SDHB: variants seen among roughly 807,000 people sequenced by gnomAD.
SDHB encodes succinate dehydrogenase [ubiquinone] iron-sulfur subunit, mitochondrial.
Under a neutral mutation model 39.7 loss-of-function variants are expected in SDHB, and 21 were observed. That is an observed-to-expected ratio of 0.53 (90% CI 0.37 to 0.76). The LOEUF is 0.76. SDHB is among the 30% of genes least tolerant of loss of function. The pLI is 0.00. For missense variants in SDHB, 343 were observed against 350.9 expected, an observed-to-expected ratio of 0.98 and a Z score of 0.18; for synonymous variants, 118 against 117.0, an observed-to-expected ratio of 1.01 and a Z score of -0.06.
rs528774229 is a variant in SDHB, at chr1:17,027,208, C to A, written c.540+541G>T. ...ACTGAAAACTTGATAATGATGCCTC[C>A]GCTTTAAGATTTTACAGCTTGTACA... On this transcript the variant is annotated intron_variant, in intron 5 of 7. Coordinates refer to ENST00000375499, the MANE Select transcript of SDHB (RefSeq NM_003000.3). 6.6e-5 allele frequency among the ~76,000 whole-genome samples: 10 copies of A among 152,270 alleles called. 1 individual carries two copies. In the South Asian group the frequency reaches 1.9e-3, roughly 28 times the overall value.
At chr1:17,029,376 G>C (rs2078010850) in intron 3 of SDHB, among the ~76,000 whole-genome samples, 2 of 151,606 alleles carry the variant, frequency 1.3e-5, no homozygotes, top group African/African-American at 4.8e-5. Flanking sequence ...GCCTGCCTTG[G>C]CCTCCCGAAG....
intron 1 of SDHB, among the ~76,000 whole-genome samples, chr1:17,046,189 AATC>A (rs1476529512): frequency 2.4e-4 from 37 of 152,332 alleles, no homozygotes; most frequent in Admixed American, 2.0e-3. Context: ...AGCTGGCTAA[AATC>A]ATCAACAAAA....
chr1:17,023,526 C>A (rs2077974737), intron 6 of SDHB, among the ~76,000 whole-genome samples: 1 of 152,212 alleles, frequency 6.6e-6, no homozygotes, highest in Non-Finnish European at 1.5e-5. Context: ...AACATCAATA[C>A]TATTTTCTTT....
intron 2 of SDHB, among the ~76,000 whole-genome samples, chr1:17,040,972 T>C (rs1331291768): frequency 6.6e-6 from 1 of 151,694 alleles, no homozygotes; most frequent in African/African-American, 2.4e-5. Flanking sequence ...TTACTAAAAA[T>C]ACAACAAATT....
chr1:17,046,056 T>C (rs1004035387), intron 1 of SDHB, among the ~76,000 whole-genome samples: 1 of 152,232 alleles, frequency 6.6e-6, no homozygotes, highest in Admixed American at 6.5e-5. Flanking sequence ...TAACATTATT[T>C]CTTGGTAAAG....
intron 3 of SDHB, 35 bp downstream of exon 3, chr1:17,033,025 A>C (rs758365875): frequency 6.5e-7 from 1 of 1,542,770 alleles, no homozygotes; most frequent in African/African-American, 1.4e-5. Context: ...GGAAGACCAC[A>C]AGTATCTGGA....
intron 2 of SDHB, among the ~76,000 whole-genome samples, chr1:17,042,771 G>A (rs1190448327): frequency 1.7e-5 from 2 of 118,660 alleles, no homozygotes; most frequent in Non-Finnish European, 4.2e-5. Context: ...GCGAGACCCT[G>A]ACTCAAAAAA....
In SDHB at chr1:17,044,803, C is replaced by T. The variant is rs34916635; in HGVS notation, c.158G>A (p.Gly53Glu). 2.8e-4 allele frequency: 458 copies of T among 1,614,034 alleles called. 3 individuals carry two copies. The highest frequency in any genetic ancestry group is 1.5e-4 in the Admixed American group (9 of 60,004). Residue 53 changes from glycine (G) to glutamate (E), a missense_variant, in exon 2 of 8, where the codon GGA (glycine) becomes GAA (glutamate). Transcript: ENST00000375499. ...AIYRWDPDKAGDKPHMQTYEV... is the reference protein window; with the variant it reads ...AIYRWDPDKAEDKPHMQTYEV... ...ATAAGTCTGCATATGAGGTTTGTCT[C>T]CAGCCTTGTCTGGGTCCCATCGATA...
intron 3 of SDHB, 72 bp from the exon 4 acceptor site, chr1:17,028,808 G>C (rs2078005996): frequency 1.9e-6 from 3 of 1,575,226 alleles, no homozygotes; most frequent in Admixed American, 1.7e-5. Flanking sequence ...ACTTTCTTCT[G>C]GATCCTCCTT....
intron 5 of SDHB, among the ~76,000 whole-genome samples, chr1:17,024,356 AACAAGAAC>A (rs1444409536): frequency 6.6e-6 from 1 of 152,214 alleles, no homozygotes; most frequent in Non-Finnish European, 1.5e-5. Context: ...AGAAATAGAA[AACAAGAAC>A]ACAAAAACAA....
intron 2 of SDHB, among the ~76,000 whole-genome samples, chr1:17,035,272 GATAA>G (rs1173643040): frequency 2.6e-5 from 4 of 152,144 alleles, no homozygotes; most frequent in East Asian, 1.9e-4. Context: ...CCTGAGGTCT[GATAA>G]ATACTTTACA....
chr1:17,030,272 G>C (rs1477303450), intron 3 of SDHB, among the ~76,000 whole-genome samples: 2 of 152,138 alleles, frequency 1.3e-5, no homozygotes, highest in Non-Finnish European at 2.9e-5. Flanking sequence ...ACGGCCTCAA[G>C]TAATCCTTCT....
At chr1:17,029,617 T>C (rs1256961121) in intron 3 of SDHB, among the ~76,000 whole-genome samples, 3 of 152,120 alleles carry the variant, frequency 2.0e-5, no homozygotes. Context: ...GCCACTGTTA[T>C]TTGAACACAA....
chr1:17,028,846 T>C (rs1037773767), intron 3 of SDHB, 110 bp from the exon 4 acceptor site: 5 of 1,278,784 alleles, frequency 3.9e-6, no homozygotes, highest in Non-Finnish European at 5.6e-6. Flanking sequence ...AGCACTGACA[T>C]GCAACATTCC....
chr1:17,038,115 G>C (rs1210052900), intron 2 of SDHB, among the ~76,000 whole-genome samples: 1 of 152,036 alleles, frequency 6.6e-6, no homozygotes, highest in Non-Finnish European at 1.5e-5. Flanking sequence ...CTCCAGCCTG[G>C]GCAACAAGAG....
intron 2 of SDHB, among the ~76,000 whole-genome samples, chr1:17,043,580 A>G (rs2078093024): frequency 6.6e-6 from 1 of 152,190 alleles, no homozygotes; most frequent in Admixed American, 6.5e-5. Flanking sequence ...TTCTGGTTAT[A>G]TGGGGGCGTG....
rs1183351476 is a variant in SDHB at position 17,041,681 on chromosome 1, G to GA, written c.200+3079dup. Among the ~76,000 whole-genome samples the GA allele has an allele frequency of 6.6e-5, 10 of 151,646 alleles. No homozygotes were observed. The East Asian group carries it at 1.9e-3, about 29-fold the overall frequency. On this transcript the variant is annotated intron_variant, in intron 2 of 7. Transcript: ENST00000375499. Reference sequence around the variant, plus strand: ...AGACTCAAAATAAAAAAATAAAAAAGAAAAAAAAGAAAAATTAATATGCTG... The same window carrying GA: ...AGACTCAAAATAAAAAAATAAAAAAGAAAAAAAAAGAAAAATTAATATGCTG...
intron 2 of SDHB, among the ~76,000 whole-genome samples, chr1:17,039,291 ATAAT>A (rs975184910): frequency 1.8e-4 from 27 of 151,844 alleles, no homozygotes; most frequent in African/African-American, 6.0e-4. Flanking sequence ...ATTTAAAAAA[ATAAT>A]TACTCTTGGC....
At chr1:17,045,759 T>G (rs2101542699) in intron 1 of SDHB, among the ~76,000 whole-genome samples, 1 of 152,308 alleles carries the variant, frequency 6.6e-6, no homozygotes, top group East Asian at 1.9e-4. Flanking sequence ...AGAACAGGGT[T>G]TAGAGACAGG....
Sources: allele counts gnomAD v4.1 joint callset (sites outside exome capture counted in the v4.1 genomes callset), GRCh38; gene constraint gnomAD v4.1.1; transcripts MANE v1.5; gene names NCBI Gene and HGNC (gene_info 2026-07-23, HGNC 2026-07-21).